The following FRMD6 variants were observed in gnomAD, a reference collection of about 807,000 sequenced individuals.
FRMD6 encodes the protein FERM domain containing 6.
Under a neutral mutation model 73.2 loss-of-function variants are expected in FRMD6, and 37 were observed. The ratio of observed to expected loss-of-function variants is 0.51; its 90% confidence interval spans 0.39 to 0.66. The LOEUF is 0.66. Ranked by LOEUF, FRMD6 falls within the 30% of genes least tolerant of loss-of-function variation. FRMD6 has a pLI of 0.00. For missense variants in FRMD6, 714 were observed against 780.5 expected, an observed-to-expected ratio of 0.91 and a Z score of 1.02; for synonymous variants, 273 against 282.2, an observed-to-expected ratio of 0.97 and a Z score of 0.33.
chr14:51,398,055 G>T, the FRMD6 span, among the ~76,000 whole-genome samples: 15,309 of 151,938 alleles, frequency 0.1, 804 homozygotes, highest in Middle Eastern at 0.12. Context: ...CAATTTTTTT[G>T]GTCTCTAGAA....
Position 51,729,250 on chromosome 14 carries a change from A to G in FRMD6, c.*1221A>G, listed in dbSNP as rs931190597. ...CCCAAGTAGAATTGCCTTTTCTTTT[A>G]AAGTTCTCCAGATGGAGCTAATATG... On this transcript the variant is annotated 3_prime_UTR_variant, in exon 14 of 14. Transcript: ENST00000344768. 3.3e-5 allele frequency: 5 copies of G among 152,166 alleles called. No homozygotes were observed. The highest frequency in any genetic ancestry group is 5.9e-5 in the Non-Finnish European group (4 of 68,024). The allele number at this position is 152,166 out of a possible 1,614,324, so 9.4% of individuals were successfully genotyped here. A position where few individuals can be genotyped will look rare whatever the true frequency, so the allele number is the denominator to read the frequency against.
At chr14:51,687,073 C>T (rs1895210506) in intron 1 of FRMD6, among the ~76,000 whole-genome samples, 1 of 152,162 alleles carries the variant, frequency 6.6e-6, no homozygotes, top group Non-Finnish European at 1.5e-5. Context: ...CAATAATCCT[C>T]TTCCAGTCAT....
the FRMD6 span, among the ~76,000 whole-genome samples, chr14:51,409,161 G>C: frequency 6.6e-6 from 1 of 151,862 alleles, no homozygotes; most frequent in East Asian, 1.9e-4. Flanking sequence ...GCATTCATGG[G>C]GGTCTCCTAT....
intron 1 of FRMD6, among the ~76,000 whole-genome samples, chr14:51,684,684 A>G (rs1008246851): frequency 4.6e-5 from 7 of 152,118 alleles, no homozygotes; most frequent in African/African-American, 9.7e-5. Flanking sequence ...AGTAGAGGCC[A>G]GGGCTGCTGC....
chr14:51,465,764 G>A, the FRMD6 span, among the ~76,000 whole-genome samples: 3 of 151,948 alleles, frequency 2.0e-5, no homozygotes, highest in African/African-American at 7.2e-5. Context: ...CAATGAACAT[G>A]TGCAAGTCTT....
Position 51,621,914 on chromosome 14 carries a change from C to T in FRMD6, c.-147+51504C>T, listed in dbSNP as rs74052619. On this transcript the variant is annotated intron_variant, in intron 2 of 14. Transcript: ENST00000356218. Reference sequence around the variant, plus strand: ...AGAGGGGACCAGCATAAATAGGTGACCATATCATTTATCATGCAAACAAGG... The same window carrying T: ...AGAGGGGACCAGCATAAATAGGTGATCATATCATTTATCATGCAAACAAGG... Among the ~76,000 whole-genome samples the T allele has an allele frequency of 7.1e-3, 1,076 of 152,264 alleles. 13 individuals are homozygous for T. The highest frequency in any genetic ancestry group is 0.025 in the African/African-American group (1,020 of 41,548).
chr14:51,560,526 C>G lies in FRMD6; in HGVS notation c.-209-9822C>G, dbSNP rs531221666. On this transcript the variant is annotated intron_variant, in intron 1 of 14. Coordinates refer to the FRMD6 transcript ENST00000356218. ...TGAGACCAAGTTTCGCTCTTGTTGC[C>G]CAGGCTGGTGTGCAATACCATGATC... is the stretch of plus-strand genomic sequence containing the variant. Among the ~76,000 whole-genome samples the G allele has an allele frequency of 2.6e-5, 4 of 152,118 alleles. 1 individual carries two copies. The highest frequency in any genetic ancestry group is 5.9e-5 in the Non-Finnish European group (4 of 68,032).
upstream of FRMD6, among the ~76,000 whole-genome samples, chr14:51,486,309 C>CA (rs1204839608): frequency 3.3e-5 from 5 of 152,144 alleles, no homozygotes; most frequent in African/African-American, 1.2e-4. Context: ...GCTGGGATTA[C>CA]AGGCATGATC....
chr14:51,498,483 T>C (rs1472897887), intron 1 of FRMD6, among the ~76,000 whole-genome samples: 1 of 152,210 alleles, frequency 6.6e-6, no homozygotes, highest in Non-Finnish European at 1.5e-5. Flanking sequence ...TAATTTGTTA[T>C]TTCTCATGAT....
chr14:51,398,459 T>C, the FRMD6 span, among the ~76,000 whole-genome samples: 1 of 152,166 alleles, frequency 6.6e-6, no homozygotes, highest in African/African-American at 2.4e-5. Flanking sequence ...AGCTATGCAA[T>C]TTTTCAAAGA....
At chr14:51,519,205 C>T (rs1884809708) in intron 1 of FRMD6, among the ~76,000 whole-genome samples, 1 of 122,320 alleles carries the variant, frequency 8.2e-6, no homozygotes, top group East Asian at 2.8e-4. Context: ...CACTCTGTCG[C>T]CCAGGCTGGA....
At position 51,509,696 on chromosome 14, in the gene FRMD6, G is replaced by A. The variant is rs542401602; in HGVS notation, c.-210+20276G>A. On this transcript the variant is annotated intron_variant, in intron 1 of 14. Transcript: ENST00000356218. ...GGCTAGAGTGCAGTGGTGCGATCTC[G>A]GCTCACTACAACCTCCGCCTCCTGG... Among the ~76,000 whole-genome samples, 4 of 151,870 alleles carry A rather than the reference G, an allele frequency of 2.6e-5. No homozygotes were observed. The East Asian group carries it at 5.9e-4, about 22-fold the overall frequency.
the FRMD6 span, among the ~76,000 whole-genome samples, chr14:51,422,501 A>G: frequency 6.6e-6 from 1 of 152,246 alleles, no homozygotes; most frequent in Non-Finnish European, 1.5e-5. Context: ...TTACAAATAA[A>G]AAATTATATG....
chr14:51,639,352 G>T (rs906452548), intron 2 of FRMD6, among the ~76,000 whole-genome samples: 1 of 151,774 alleles, frequency 6.6e-6, no homozygotes, highest in African/African-American at 2.4e-5. Context: ...GGAGAATGGC[G>T]TGAACCCGGT....
chr14:51,450,780 C>A, the FRMD6 span, among the ~76,000 whole-genome samples: 1 of 152,194 alleles, frequency 6.6e-6, no homozygotes, highest in Non-Finnish European at 1.5e-5. Flanking sequence ...CATCAGTTTG[C>A]ACCTCAAATA....
intron 1 of FRMD6, among the ~76,000 whole-genome samples, chr14:51,554,990 T>A (rs1395921227): frequency 6.6e-6 from 1 of 152,242 alleles, no homozygotes; most frequent in African/African-American, 2.4e-5. Flanking sequence ...TAAACTGTTC[T>A]GAGACATAAA....
intron 2 of FRMD6, among the ~76,000 whole-genome samples, chr14:51,690,359 TG>T (rs1895465055): frequency 6.6e-6 from 1 of 152,150 alleles, no homozygotes; most frequent in Admixed American, 6.5e-5. Context: ...CAATTACTTT[TG>T]CACCAACCTA....
chr14:51,438,183 T>C, the FRMD6 span, among the ~76,000 whole-genome samples: 1 of 152,184 alleles, frequency 6.6e-6, no homozygotes, highest in Admixed American at 6.5e-5. Context: ...ATTGTGATAT[T>C]TGACAGACAT....
At chr14:51,460,343 C>G in the FRMD6 span, among the ~76,000 whole-genome samples, 1 of 152,214 alleles carries the variant, frequency 6.6e-6, no homozygotes, top group Non-Finnish European at 1.5e-5. Context: ...ACATAATTTG[C>G]TCTACATTCT....
Sources: allele counts gnomAD v4.1 joint callset (sites outside exome capture counted in the v4.1 genomes callset), GRCh38; gene constraint gnomAD v4.1.1; transcripts MANE v1.5; gene names NCBI Gene and HGNC (gene_info 2026-07-23, HGNC 2026-07-21).